Variants in CCDC88B observed in about 807,000 individuals in gnomAD.
The protein encoded by CCDC88B is coiled-coil and HOOK domain protein 88B, also known as coiled-coil domain-containing protein 88B.
A neutral mutation model predicts 183.7 loss-of-function variants in CCDC88B; 138 were observed. The ratio of observed to expected loss-of-function variants is 0.75; its 90% CI spans 0.65 to 0.87. The LOEUF (loss-of-function observed/expected upper bound fraction) is 0.87, where lower values mean the gene tolerates loss of function less well. Among genes scored for constraint, CCDC88B ranks in the 40% least tolerant of loss-of-function variants. CCDC88B has a pLI of 0.00. For synonymous variants in CCDC88B, 835 were observed against 867.5 expected, an observed-to-expected ratio of 0.96 and a Z score of 0.66; for missense variants, 1,822 against 1,965.6, an observed-to-expected ratio of 0.93 and a Z score of 1.38.
intron 26 of CCDC88B, 29 bp from the exon 27 acceptor site, chr11:64,357,010 G>A (rs199720851): frequency 6.7e-5 from 104 of 1,544,662 alleles, no homozygotes; most frequent in Non-Finnish European, 7.4e-5. Context: ...CCTGAGGGAA[G>A]CAGATCTCAG....
chr11:64,352,612 C>A lies in CCDC88B; in HGVS notation c.3357-132C>A. ...GGTGGGCACCTGGCATGGCATTCTGCCCAATGGCTTCCTCTGGGGGACCTA... is the reference window on the plus strand; with the variant it reads ...GGTGGGCACCTGGCATGGCATTCTGACCAATGGCTTCCTCTGGGGGACCTA... On this transcript the variant is annotated intron_variant, in intron 19 of 26. Transcript: ENST00000356786. 21 of 1,429,862 alleles carry A rather than the reference C, an allele frequency of 1.5e-5. No homozygotes were observed. The Middle Eastern group carries it at 6.4e-4, about 44-fold the overall frequency. 88.6% of individuals were successfully genotyped at this position (1,429,862 alleles called of 1,614,324 possible). A position where few individuals can be genotyped will look rare whatever the true frequency, so the allele number is the denominator to read the frequency against.
intron 14 of CCDC88B, among the ~76,000 whole-genome samples, chr11:64,345,778 G>A (rs1037136744): frequency 2.6e-5 from 4 of 152,158 alleles, no homozygotes; most frequent in African/African-American, 9.7e-5. Flanking sequence ...AGGCCGAGGT[G>A]GGTGGATTAC....
chr11:64,352,780 G>A lies in CCDC88B; in HGVS notation c.3393G>A (p.Glu1131=), dbSNP rs1417684224. Residue 1131 remains glutamate (E), a synonymous_variant, in exon 20 of 27, where the codon GAG becomes GAA. Transcript: ENST00000356786. Reference sequence around the variant, plus strand: ...TGCAGGCCCAGCGGGCCAGCGTGGAGGCACAGGAGGTGGCCCTGCTGGCAG... The same window carrying A: ...TGCAGGCCCAGCGGGCCAGCGTGGAAGCACAGGAGGTGGCCCTGCTGGCAG... ...EQLQAQRASV[E]AQEVALLAER... is the part of the protein sequence containing the mutation. 3.7e-6 allele frequency: 6 copies of A among 1,613,454 alleles called. No homozygotes were observed. In the African/African-American group the frequency reaches 4.0e-5, roughly 11 times the overall value.
In CCDC88B at chr11:64,352,131, C is replaced by A; in HGVS notation, c.3101C>A (p.Ala1034Asp). The change falls in exon 19 of 27, where the codon GCC becomes GAC. Residue 1034 changes from alanine to aspartate, a missense_variant and splice_region_variant. Ala to Asp is a moderately radical substitution (Grantham distance 126). Coordinates refer to ENST00000356786, the MANE Select transcript of CCDC88B (RefSeq NM_032251.6). ...CCCTGCTTCCCTCCTCCATCCTAGGCCGAGAAGTCTGTGCTGGAGATTCAG... is the reference window on the plus strand; with the variant it reads ...CCCTGCTTCCCTCCTCCATCCTAGGACGAGAAGTCTGTGCTGGAGATTCAG... The part of the protein sequence containing the change: ...RAQEHSSRLQ[A>D]EKSVLEIQGQ... 6.4e-7 allele frequency: 1 copy of A among 1,559,578 alleles called. No individual in the cohort carries two copies. The highest frequency in any genetic ancestry group is 8.7e-7 in the Non-Finnish European group (1 of 1,148,194).
chr11:64,350,096 AGAAAACAGGT>A (rs1289831306), intron 16 of CCDC88B: 2 of 205,576 alleles, frequency 9.7e-6, no homozygotes, highest in Non-Finnish European at 2.0e-5. Flanking sequence ...GATAGAGGCA[AGAAAACAGGT>A]GACAATAACT....
At chr11:64,341,898 C>T (rs754884236) in intron 7 of CCDC88B, 96 bp from the exon 8 acceptor site, 15 of 695,738 alleles carry the variant, frequency 2.2e-5, no homozygotes, top group Middle Eastern at 7.0e-4. Flanking sequence ...TGGCCCAAGA[C>T]CCCAGACCAC....
In CCDC88B at chr11:64,353,109, C is replaced by T. The variant is rs758214824; in HGVS notation, c.3556C>T (p.Arg1186Cys). 8.1e-6 allele frequency: 13 copies of T among 1,607,088 alleles called. No individual in the cohort carries two copies. Among genetic ancestry groups the T allele is most frequent in the East Asian group, 2.2e-5 (1 of 44,690 alleles). ...SRERGELQGE[R>C]GELRGRLARL... ...GGAGCGGGGTGAGCTGCAGGGTGAA[C>T]GCGGGGAGCTACGGGGCCGGCTGGC... The change falls in exon 21 of 27, where the codon CGC becomes TGC. Residue 1186 changes from arginine (R) to cysteine (C), a missense_variant. Physicochemically the swap from Arg to Cys is radical, Grantham distance 180. Coordinates refer to ENST00000356786, the MANE Select transcript of CCDC88B (RefSeq NM_032251.6).
chr11:64,353,092 G>T lies in CCDC88B; in HGVS notation c.3539G>T (p.Gly1180Val), dbSNP rs1205926265. Residue 1180 changes from glycine to valine, a missense_variant, in exon 21 of 27, where the codon GGT (glycine) becomes GTT (valine). Physicochemically the swap from Gly to Val is moderately radical, Grantham distance 109. Transcript: ENST00000356786. ...CTGGCAGAGTTGTCTCGGGAGCGGG[G>T]TGAGCTGCAGGGTGAACGCGGGGAG... ...MLLAELSRER[G>V]ELQGERGELR... is the part of the protein sequence containing the mutation. The T allele has an allele frequency of 6.8e-6, 11 of 1,607,074 alleles. No homozygotes were observed. The highest frequency in any genetic ancestry group is 1.3e-5 in the African/African-American group (1 of 74,942).
chr11:64,348,455 C>T (rs898881117), intron 14 of CCDC88B, among the ~76,000 whole-genome samples: 2 of 152,108 alleles, frequency 1.3e-5, no homozygotes, highest in Non-Finnish European at 1.5e-5. Context: ...TTCTATTCAC[C>T]GTGCCTCCTA....
At chr11:64,343,648 G>A in intron 12 of CCDC88B, 33 bp downstream of exon 12, 1 of 1,548,734 alleles carries the variant, frequency 6.5e-7, no homozygotes, top group Non-Finnish European at 8.7e-7. Flanking sequence ...CTGGGGTGGG[G>A]GCTTCCTATG....
At chr11:64,342,812 G>A (rs1303631350) in intron 10 of CCDC88B, 132 bp downstream of exon 10, 2 of 1,149,272 alleles carry the variant, frequency 1.7e-6, no homozygotes, top group South Asian at 1.7e-5. Context: ...AAATGGGTGA[G>A]GACAAATTCA....
At chr11:64,355,099 A>T in intron 24 of CCDC88B, 95 bp from the exon 25 acceptor site, 12 of 357,940 alleles carry the variant, frequency 3.4e-5, no homozygotes, top group Admixed American at 1.4e-4. Flanking sequence ...TCCCTGCGTG[A>T]GCCTCAGCCT....
intron 24 of CCDC88B, 84 bp from the exon 25 acceptor site, chr11:64,355,110 C>G: frequency 2.1e-6 from 2 of 934,434 alleles, no homozygotes; most frequent in Non-Finnish European, 2.8e-6. Flanking sequence ...GCCTCAGCCT[C>G]CCCCCATTCT....
rs144508173 is a variant in CCDC88B at position 64,340,630 on chromosome 11, C to T, written c.84C>T (p.Val28=). The change falls in exon 2 of 27, where the codon GTC becomes GTT. Residue 28 remains valine, a synonymous_variant. Transcript: ENST00000356786. ...ATWALGLAGL[V]GEAEDSEGEE... Reference sequence around the variant, plus strand: ...AGGCGCTGGGACTGGCCGGGCTGGTCGGGGAGGCGGAGGACTCGGAGGGGG... The same window carrying T: ...AGGCGCTGGGACTGGCCGGGCTGGTTGGGGAGGCGGAGGACTCGGAGGGGG... 118 of 1,609,206 alleles carry T rather than the reference C, an allele frequency of 7.3e-5. No homozygotes were observed. Among genetic ancestry groups the T allele is most frequent in the Middle Eastern group, 5.1e-4 (3 of 5,938 alleles).
Position 64,341,316 on chromosome 11 carries a change from A to G in CCDC88B, c.435A>G (p.Gly145=). The part of the protein sequence containing the change: ...QLEGVLRLLL[G]ASVQCEHREL... ...AAGGCGTTCTTCGGCTACTGTTGGG[A>G]GCGTCAGTACAGGTGAGCCGGCGGT... Residue 145 remains glycine (G), a synonymous_variant, in exon 5 of 27, where the codon GGA becomes GGG. Transcript: ENST00000356786. 1 of 1,613,906 alleles carries G rather than the reference A, an allele frequency of 6.2e-7. No homozygotes were observed. The highest frequency in any genetic ancestry group is 8.5e-7 in the Non-Finnish European group (1 of 1,179,976).
In CCDC88B at chr11:64,351,633, G is replaced by A. The variant is rs1453581213; in HGVS notation, c.3099+17G>A. 1.9e-6 allele frequency: 3 copies of A among 1,551,576 alleles called. No individual in the cohort carries two copies. Among genetic ancestry groups the A allele is most frequent in the Admixed American group, 3.7e-5 (2 of 54,368 alleles). ...CGCCTGCAGGTGGGTGGTGGCCCGG[G>A]TGCCCATCCCTGCCCATGTACTGCC... On this transcript the variant is annotated intron_variant, in intron 18 of 26. Transcript: ENST00000356786.
chr11:64,342,449 A>G, intron 9 of CCDC88B, 73 bp from the exon 10 acceptor site: 1 of 1,542,732 alleles, frequency 6.5e-7, no homozygotes. Context: ...CTCCCTCCCA[A>G]CCCGGCTCCT....
rs1360093310 is a variant in CCDC88B at position 64,352,763 on chromosome 11, C to T, written c.3376C>T (p.Gln1126Ter). ...TCCCAGGCACGAGCAGCTGCAGGCC[C>T]AGCGGGCCAGCGTGGAGGCACAGGA... The part of the protein sequence containing the change: ...LQGRHEQLQA[Q>*]RASVEAQEVA... Residue 1126 changes from glutamine (Q) to a stop codon, truncating the protein, a stop_gained, in exon 20 of 27, where the codon CAG becomes TAG. Coordinates refer to ENST00000356786, the MANE Select transcript of CCDC88B (RefSeq NM_032251.6). LOFTEE classifies it high-confidence loss of function. 1 of 1,613,532 alleles carries T rather than the reference C, an allele frequency of 6.2e-7. No homozygotes were observed. The highest frequency in any genetic ancestry group is 8.5e-7 in the Non-Finnish European group (1 of 1,179,998).
At position 64,353,102 on chromosome 11, in the gene CCDC88B, G is replaced by A. The variant is rs12290798; in HGVS notation, c.3549G>A (p.Gln1183=). The stretch of plus-strand genomic sequence containing the variant: ...TGTCTCGGGAGCGGGGTGAGCTGCA[G>A]GGTGAACGCGGGGAGCTACGGGGCC... ...AELSRERGEL[Q]GERGELRGRL... The change falls in exon 21 of 27, where the codon CAG becomes CAA. Residue 1183 remains glutamine (Q), a synonymous_variant. Transcript: ENST00000356786. 1.9e-5 allele frequency: 30 copies of A among 1,607,114 alleles called. No individual in the cohort carries two copies. The East Asian group carries it at 5.6e-4, about 30-fold the overall frequency.
Sources: allele counts gnomAD v4.1 joint callset (sites outside exome capture counted in the v4.1 genomes callset), GRCh38; gene constraint gnomAD v4.1.1; transcripts MANE v1.5; gene names NCBI Gene and HGNC (gene_info 2026-07-23, HGNC 2026-07-21).